The following SLMAP variants were observed in gnomAD, a reference collection of about 807,000 sequenced individuals.
The protein encoded by SLMAP is sarcolemmal membrane-associated protein.
SLMAP carries 44 observed loss-of-function variants against 128.8 expected under a neutral mutation model. The ratio of observed to expected loss-of-function variants is 0.34; its 90% CI spans 0.27 to 0.44. The LOEUF is 0.44. Among genes scored for constraint, SLMAP ranks in the 20% least tolerant of loss-of-function variants. SLMAP has a pLI of 1.00. For missense variants in SLMAP, 787 were observed against 985.3 expected (o/e 0.80, Z 2.69); for synonymous variants, 327 against 348.8 (o/e 0.94, Z 0.70).
intron 2 of SLMAP, among the ~76,000 whole-genome samples, chr3:57,781,255 A>G (rs1478457272): frequency 2.0e-5 from 3 of 152,128 alleles, no homozygotes; most frequent in African/African-American, 7.2e-5. Context: ...GATTTTCTTA[A>G]ATTCCAAAGG....
intron 23 of SLMAP, among the ~76,000 whole-genome samples, chr3:57,923,499 G>A (rs1249106584): frequency 2.6e-5 from 4 of 152,220 alleles, no homozygotes; most frequent in Non-Finnish European, 5.9e-5. Context: ...AAAATATTTG[G>A]TGAGTTTCTG....
At chr3:57,764,368 G>T (rs1190409340) in intron 2 of SLMAP, among the ~76,000 whole-genome samples, 1 of 152,028 alleles carries the variant, frequency 6.6e-6, no homozygotes, top group Non-Finnish European at 1.5e-5. Flanking sequence ...CAAGTGTGGT[G>T]GCATGAACCT....
At chr3:57,824,656 G>A (rs2092787148) in intron 2 of SLMAP, among the ~76,000 whole-genome samples, 1 of 152,166 alleles carries the variant, frequency 6.6e-6, no homozygotes. Flanking sequence ...CTGTACCTCT[G>A]TAGTAAGTTT....
chr3:57,775,085 C>T lies in SLMAP; in HGVS notation c.198+17236C>T, dbSNP rs112764787. Among the ~76,000 whole-genome samples the T allele has an allele frequency of 3.2e-3, 487 of 150,702 alleles. 3 individuals are homozygous for T. The highest frequency in any genetic ancestry group is 0.011 in the African/African-American group (461 of 40,990). Reference sequence around the variant, plus strand: ...CTTTTTTTTTTTTGAGACGGAGTCTCGCTCTGTCGCCCAGGCCGGAGTACA... The same window carrying T: ...CTTTTTTTTTTTTGAGACGGAGTCTTGCTCTGTCGCCCAGGCCGGAGTACA... On this transcript the variant is annotated intron_variant, in intron 2 of 24. Transcript: ENST00000671191.
Position 57,906,310 on chromosome 3 carries a change from CTTT to C in SLMAP, c.1502-1554_1502-1552del, listed in dbSNP as rs999042505. Among the ~76,000 whole-genome samples the C allele has an allele frequency of 5.1e-4, 24 of 47,034 alleles. No homozygotes were observed. In the South Asian group the frequency reaches 5.5e-3, roughly 11 times the overall value. 30.9% of individuals were successfully genotyped at this position (47,034 alleles called of 152,430 possible). A position where few individuals can be genotyped will look rare whatever the true frequency, so the allele number is the denominator to read the frequency against. ...GAATCAAATTTTTTTCTTTTTTTTTCTTTTTTTTTTTTTTTTTTTTTTAGAGAC... is the reference window on the plus strand; with the variant it reads ...GAATCAAATTTTTTTCTTTTTTTTTCTTTTTTTTTTTTTTTTTTTAGAGAC... On this transcript the variant is annotated intron_variant, in intron 17 of 24. Transcript: ENST00000671191.
At chr3:57,877,678 A>G (rs1265959836) in intron 14 of SLMAP, among the ~76,000 whole-genome samples, 1 of 152,092 alleles carries the variant, frequency 6.6e-6, no homozygotes, top group Non-Finnish European at 1.5e-5. Context: ...TTCTCCCATT[A>G]TAACTGCCCA....
intron 2 of SLMAP, among the ~76,000 whole-genome samples, chr3:57,830,879 T>G (rs948011017): frequency 2.0e-5 from 3 of 152,242 alleles, no homozygotes; most frequent in African/African-American, 7.2e-5. Context: ...TTTTAAACGT[T>G]CATTCATGTT....
intron 17 of SLMAP, among the ~76,000 whole-genome samples, chr3:57,904,999 C>A (rs1167224676): frequency 6.6e-6 from 1 of 152,054 alleles, no homozygotes; most frequent in African/African-American, 2.4e-5. Flanking sequence ...CCCAGGAGGT[C>A]AATTAAGGCT....
At chr3:57,787,773 G>A (rs190928899) in intron 2 of SLMAP, among the ~76,000 whole-genome samples, 62 of 152,298 alleles carry the variant, frequency 4.1e-4, no homozygotes, top group Non-Finnish European at 7.8e-4. Flanking sequence ...CACCATGCCC[G>A]GCTAGGCATC....
intron 14 of SLMAP, 144 bp from the exon 15 acceptor site, chr3:57,889,897 T>C: frequency 1.8e-6 from 1 of 549,402 alleles, no homozygotes; most frequent in East Asian, 2.8e-5. Flanking sequence ...TAGTTCCCCT[T>C]CCAGATTCAA....
In SLMAP at chr3:57,769,555, C is replaced by T. The variant is rs866845867; in HGVS notation, c.198+11706C>T. On this transcript the variant is annotated intron_variant, in intron 2 of 24. Coordinates refer to ENST00000671191, the MANE Select transcript of SLMAP (RefSeq NM_001377540.1). ...GCCCGGCTGGTCTCAAATTCCTGGG[C>T]TCAAGCAACCCTCCCACCTCAGGCT... is the stretch of plus-strand genomic sequence containing the variant. 3.9e-5 allele frequency among the ~76,000 whole-genome samples: 6 copies of T among 152,040 alleles called. No individual in the cohort carries two copies. The South Asian group carries it at 1.2e-3, about 32-fold the overall frequency.
At chr3:57,864,259 T>G (rs570388075) in intron 10 of SLMAP, among the ~76,000 whole-genome samples, 1 of 152,126 alleles carries the variant, frequency 6.6e-6, no homozygotes, top group East Asian at 1.9e-4. Context: ...AATACAAAAT[T>G]AGCTGGGTAT....
At chr3:57,906,301 T>TTTTTTTTTCTTTTTTTTC (rs1559512144) in intron 17 of SLMAP, among the ~76,000 whole-genome samples, 1 of 95,316 alleles carries the variant, frequency 1.0e-5, no homozygotes, top group African/African-American at 3.7e-5. Flanking sequence ...AATTTTTTTC[T>TTTTTTTTTCTTTTTTTTC]TTTTTTTTCT....
At chr3:57,910,812 G>T (rs1264267046) in intron 19 of SLMAP, among the ~76,000 whole-genome samples, 1 of 152,148 alleles carries the variant, frequency 6.6e-6, no homozygotes, top group East Asian at 1.9e-4. Context: ...AGGTGGGGAA[G>T]AAATTAAATA....
At chr3:57,871,793 T>C (rs998974273) in intron 14 of SLMAP, 95 bp downstream of exon 14, 18 of 910,228 alleles carry the variant, frequency 2.0e-5, no homozygotes, top group South Asian at 5.6e-5. Flanking sequence ...GTGTTTGTTA[T>C]AGCAGAAGTG....
At chr3:57,909,046 T>TATTAATAGTTTTGTGA in intron 18 of SLMAP, 30 bp from the exon 19 acceptor site, 1 of 1,477,744 alleles carries the variant, frequency 6.8e-7, no homozygotes, top group Non-Finnish European at 9.4e-7. Context: ...TTCACAAAAC[T>TATTAATAGTTTTGTGA]ATTAATAGAT....
At chr3:57,863,049 TA>T (rs755335235) in intron 10 of SLMAP, among the ~76,000 whole-genome samples, 14 of 152,192 alleles carry the variant, frequency 9.2e-5, no homozygotes, top group Non-Finnish European at 1.6e-4. Context: ...TTTTAAAACC[TA>T]AAACTGCTTA....
chr3:57,836,904 C>G (rs1321054603), intron 3 of SLMAP, among the ~76,000 whole-genome samples: 1 of 152,216 alleles, frequency 6.6e-6, no homozygotes, highest in Admixed American at 6.5e-5. Context: ...CAGTAACCCT[C>G]TCTTGCAAAG....
chr3:57,757,914 G>T (rs533244047), intron 2 of SLMAP, 65 bp downstream of exon 2: 3 of 1,410,954 alleles, frequency 2.1e-6, no homozygotes, highest in Non-Finnish European at 3.0e-6. Context: ...TGCCCTCCCT[G>T]AGAGGACTAA....
Sources: gnomAD v4.1 joint callset for allele counts (sites outside exome capture counted in the v4.1 genomes callset) on GRCh38, gnomAD v4.1.1 for gene constraint, MANE v1.5 for transcripts, NCBI Gene and HGNC (gene_info 2026-07-23, HGNC 2026-07-21) for gene names.